KSR2: variants seen among roughly 807,000 people sequenced by gnomAD.
The protein encoded by KSR2 is kinase suppressor of ras 2.
In KSR2, 25 loss-of-function variants were observed where a neutral mutation model predicts 107.8. The observed-to-expected ratio is 0.23, with a 90% CI of 0.17 to 0.32. KSR2 has a LOEUF of 0.32. Ranked by LOEUF, KSR2 falls within the 10% of genes least tolerant of loss-of-function variation. The probability of loss-of-function intolerance (pLI) is 1.00; values close to 1 mark genes in which losing one functional copy is unlikely to be tolerated. For missense variants in KSR2, 887 were observed against 1,268.9 expected (o/e 0.70, Z 4.57); for synonymous variants, 480 against 507.0 (o/e 0.95, Z 0.71).
chr12:117,908,476 C>G (rs1334030051), intron 1 of KSR2, among the ~76,000 whole-genome samples: 1 of 152,120 alleles, frequency 6.6e-6, no homozygotes, highest in Non-Finnish European at 1.5e-5. Context: ...GAAAGCTGCC[C>G]TTTCTACTAT....
At chr12:117,855,853 C>T (rs1893086148) in intron 2 of KSR2, among the ~76,000 whole-genome samples, 1 of 152,180 alleles carries the variant, frequency 6.6e-6, no homozygotes, top group South Asian at 2.1e-4. Flanking sequence ...ATTATAATTA[C>T]TACCCTGTCT....
At chr12:117,616,171 A>AAC (rs1555221895) in intron 5 of KSR2, among the ~76,000 whole-genome samples, 18 of 150,486 alleles carry the variant, frequency 1.2e-4, no homozygotes, top group Non-Finnish European at 1.6e-4. Flanking sequence ...GAAAAAAAAA[A>AAC]AAAACAGATT....
At chr12:117,513,627 G>A (rs1411954117) in intron 14 of KSR2, among the ~76,000 whole-genome samples, 1 of 152,206 alleles carries the variant, frequency 6.6e-6, no homozygotes, top group Admixed American at 6.5e-5. Context: ...TTGGAGGTAG[G>A]TCAGTTGTTG....
intron 5 of KSR2, among the ~76,000 whole-genome samples, chr12:117,634,346 C>T (rs1213277471): frequency 2.0e-5 from 3 of 152,128 alleles, no homozygotes; most frequent in Admixed American, 6.5e-5. Flanking sequence ...ATATGCAAGA[C>T]GGAACTTCCA....
At chr12:117,513,291 C>T (rs1874148040) in intron 14 of KSR2, among the ~76,000 whole-genome samples, 1 of 152,192 alleles carries the variant, frequency 6.6e-6, no homozygotes, top group Admixed American at 6.5e-5. Flanking sequence ...TGATATACTC[C>T]ATGACAAGGA....
At chr12:117,712,608 A>C (rs1474249000) in intron 4 of KSR2, among the ~76,000 whole-genome samples, 2 of 152,190 alleles carry the variant, frequency 1.3e-5, no homozygotes, top group Non-Finnish European at 2.9e-5. Context: ...AAATTGTAAA[A>C]TGCATTTAAA....
At chr12:117,736,132 T>G (rs1887927510) in intron 4 of KSR2, among the ~76,000 whole-genome samples, 1 of 152,216 alleles carries the variant, frequency 6.6e-6, no homozygotes, top group Non-Finnish European at 1.5e-5. Context: ...CTGAAATTTT[T>G]ACCCATTTCT....
rs532199052 is a variant in KSR2 at position 117,894,447 on chromosome 12, T to C, written c.181-34016A>G. Among the ~76,000 whole-genome samples, 78 of 152,306 alleles carry C rather than the reference T, an allele frequency of 5.1e-4. 1 individual carries two copies. Among genetic ancestry groups the C allele is most frequent in the African/African-American group, 1.9e-3 (77 of 41,572 alleles). Reference sequence around the variant, plus strand: ...TGGGAGGCCATGGTGGCAGGATTACTTGAGGCCAGGAGTTCCTGGCCAGCC... The same window carrying C: ...TGGGAGGCCATGGTGGCAGGATTACCTGAGGCCAGGAGTTCCTGGCCAGCC... On this transcript the variant is annotated intron_variant, in intron 1 of 19. Coordinates refer to ENST00000339824, the MANE Select transcript of KSR2 (RefSeq NM_173598.6).
intron 1 of KSR2, among the ~76,000 whole-genome samples, chr12:117,936,509 ATT>A (rs1895841485): frequency 1.5e-5 from 1 of 67,814 alleles, no homozygotes; most frequent in East Asian, 3.2e-4. Flanking sequence ...CATTATTATT[ATT>A]TTATTATTAT....
At chr12:117,628,264 G>A (rs1370807796) in intron 5 of KSR2, among the ~76,000 whole-genome samples, 3 of 152,170 alleles carry the variant, frequency 2.0e-5, no homozygotes, top group African/African-American at 7.2e-5. Flanking sequence ...CAATCCTTTG[G>A]AGGAGAAGAG....
intron 4 of KSR2, among the ~76,000 whole-genome samples, chr12:117,756,278 GGCTTCAAA>G (rs1381673043): frequency 6.6e-6 from 1 of 152,212 alleles, no homozygotes; most frequent in Non-Finnish European, 1.5e-5. Flanking sequence ...GTCAGTGCCT[GGCTTCAAA>G]GCTTCAAAGA....
intron 3 of KSR2, among the ~76,000 whole-genome samples, chr12:117,840,926 T>C (rs1358412186): frequency 6.6e-6 from 1 of 150,994 alleles, no homozygotes; most frequent in Non-Finnish European, 1.5e-5. Flanking sequence ...TGCTTGAACC[T>C]GGGAGGCAGA....
At chr12:117,560,001 T>C (rs893945286) in intron 7 of KSR2, among the ~76,000 whole-genome samples, 7 of 152,170 alleles carry the variant, frequency 4.6e-5, no homozygotes, top group Non-Finnish European at 7.4e-5. Context: ...AGTAGGAACT[T>C]TACAGTTGCC....
intron 5 of KSR2, among the ~76,000 whole-genome samples, chr12:117,665,314 C>T (rs1884613445): frequency 6.6e-6 from 1 of 152,174 alleles, no homozygotes; most frequent in South Asian, 2.1e-4. Flanking sequence ...CTCAAAAACT[C>T]TTTGGTAGGG....
At chr12:117,778,667 C>A (rs1889777081) in intron 3 of KSR2, among the ~76,000 whole-genome samples, 1 of 152,182 alleles carries the variant, frequency 6.6e-6, no homozygotes, top group Non-Finnish European at 1.5e-5. Flanking sequence ...GAAGAATGGG[C>A]TCTCTCATGG....
chr12:117,601,295 T>TTGGGG (rs1555220700), intron 5 of KSR2, among the ~76,000 whole-genome samples: 27 of 134,450 alleles, frequency 2.0e-4, no homozygotes, highest in African/African-American at 7.2e-4. Context: ...TCCAAGATCT[T>TTGGGG]GGGGGGGGGG....
At chr12:117,770,698 G>A (rs934567568) in intron 3 of KSR2, among the ~76,000 whole-genome samples, 1 of 151,802 alleles carries the variant, frequency 6.6e-6, no homozygotes, top group Non-Finnish European at 1.5e-5. Flanking sequence ...GTCGGGCGCG[G>A]TGACTCACGC....
At chr12:117,588,855 T>C (rs7976115) in intron 5 of KSR2, among the ~76,000 whole-genome samples, 1 of 152,252 alleles carries the variant, frequency 6.6e-6, no homozygotes, top group Non-Finnish European at 1.5e-5. Flanking sequence ...CTGTACCTCA[T>C]TGTGTTGTTT....
At chr12:117,722,641 T>G (rs1244359200) in intron 4 of KSR2, among the ~76,000 whole-genome samples, 1 of 152,236 alleles carries the variant, frequency 6.6e-6, no homozygotes, top group Non-Finnish European at 1.5e-5. Flanking sequence ...AATCCACCCC[T>G]TGTTTAGCAT....
Sources: gnomAD v4.1 joint callset for allele counts (sites outside exome capture counted in the v4.1 genomes callset) on GRCh38, gnomAD v4.1.1 for gene constraint, MANE v1.5 for transcripts, NCBI Gene and HGNC (gene_info 2026-07-23, HGNC 2026-07-21) for gene names.